The following TSC22D2 variants were observed in gnomAD, a reference collection of about 807,000 sequenced individuals.
TSC22D2 encodes TSC22 domain family protein 2.
Under a neutral mutation model 50.1 loss-of-function variants are expected in TSC22D2, and 5 were observed. That is an observed-to-expected ratio of 0.10 (90% CI 0.05 to 0.21). The LOEUF is 0.21. Ranked by LOEUF, TSC22D2 falls within the 10% of genes least tolerant of loss-of-function variation. The pLI, the probability that TSC22D2 is intolerant of heterozygous loss-of-function variation, is 1.00. For missense variants in TSC22D2, 1,003 were observed against 1,015.5 expected, an observed-to-expected ratio of 0.99 and a Z score of 0.17; for synonymous variants, 501 against 450.1, an observed-to-expected ratio of 1.11 and a Z score of -1.43.
At chr3:150,458,243 C>G in intron 2 of TSC22D2, 133 bp from the exon 3 acceptor site, 2 of 939,564 alleles carry the variant, frequency 2.1e-6, no homozygotes. Flanking sequence ...TAGGCTCGGT[C>G]AAGATAAAGC....
intron 1 of TSC22D2, among the ~76,000 whole-genome samples, chr3:150,413,561 G>GTT (rs140269585): frequency 9.1e-6 from 1 of 110,120 alleles, no homozygotes; most frequent in Non-Finnish European, 1.9e-5. Context: ...TTTGTTTTGT[G>GTT]TTTTTTTTTT....
At chr3:150,440,092 A>G (rs1720669186) in intron 1 of TSC22D2, among the ~76,000 whole-genome samples, 1 of 152,202 alleles carries the variant, frequency 6.6e-6, no homozygotes, top group Non-Finnish European at 1.5e-5. Context: ...ACAGAGAAGA[A>G]AATTGAAAGC....
In TSC22D2 at chr3:150,409,741, C is replaced by A. The variant is rs745904760; in HGVS notation, c.391C>A (p.Pro131Thr). 5 of 1,601,182 alleles carry A rather than the reference C, an allele frequency of 3.1e-6. No homozygotes were observed. Among genetic ancestry groups the A allele is most frequent in the Non-Finnish European group, 4.2e-6 (5 of 1,177,904 alleles). Residue 131 changes from proline to threonine, a missense_variant, in exon 1 of 3, where the codon CCC becomes ACC. Around this residue, in one of 6 missense-constraint regions of TSC22D2, gnomAD observed 200 missense variants for 182.8 expected, o/e 1.09. Transcript: ENST00000688009. This position sits in a 1 kb window ranked among gnomAD's most constrained non-coding sequence, Gnocchi z 7.4. Reference sequence around the variant, plus strand: ...GGCGGCTGCCACTTCGGCCCCCGCCCCCGGAGCACCCGGCGGCCCCCAGCT... The same window carrying A: ...GGCGGCTGCCACTTCGGCCCCCGCCACCGGAGCACCCGGCGGCCCCCAGCT... ...LAAAATSAPA[P>T]GAPGGPQLAG...
chr3:150,442,599 A>C (rs1323796213), intron 1 of TSC22D2, among the ~76,000 whole-genome samples: 1 of 152,202 alleles, frequency 6.6e-6, no homozygotes, highest in Non-Finnish European at 1.5e-5. Flanking sequence ...ATACTAATGC[A>C]TTATCTCACT....
chr3:150,424,947 T>C (rs1389944560), intron 1 of TSC22D2, among the ~76,000 whole-genome samples: 1 of 152,242 alleles, frequency 6.6e-6, no homozygotes, highest in African/African-American at 2.4e-5. Context: ...CAATCATGGC[T>C]AACTTTATTA....
chr3:150,444,723 A>G (rs1025415021), intron 1 of TSC22D2, among the ~76,000 whole-genome samples: 2 of 152,252 alleles, frequency 1.3e-5, no homozygotes, highest in Middle Eastern at 3.2e-3. Context: ...ATTCAAGGAC[A>G]TGAATCTAGA....
intron 1 of TSC22D2, among the ~76,000 whole-genome samples, chr3:150,412,585 G>C (rs1719632930): frequency 6.6e-6 from 1 of 152,080 alleles, no homozygotes; most frequent in African/African-American, 2.4e-5. Context: ...TCTGCTTTTT[G>C]TAATTTAAAG....
chr3:150,430,426 G>C (rs1465323570), intron 1 of TSC22D2, among the ~76,000 whole-genome samples: 1 of 152,154 alleles, frequency 6.6e-6, no homozygotes, highest in East Asian at 1.9e-4. Context: ...GGAATTACAG[G>C]ATTTTACAAC....
chr3:150,415,120 T>C (rs906451102), intron 1 of TSC22D2, among the ~76,000 whole-genome samples: 7 of 152,114 alleles, frequency 4.6e-5, no homozygotes, highest in Non-Finnish European at 7.4e-5. Context: ...TACTAAAACA[T>C]ACTTTATTCA....
rs187345562 is a variant in TSC22D2 at position 150,442,234 on chromosome 3, T to C, written c.1959-14842T>C. Among the ~76,000 whole-genome samples, 195 of 152,216 alleles carry C rather than the reference T, an allele frequency of 1.3e-3. 1 individual carries two copies. In the South Asian group the frequency reaches 0.023, roughly 18 times the overall value. ...AGAGCTATGTGCCCCCAGAACACCCTCTAAAATCTTGCTCTGTCTTAGCAC... is the reference window on the plus strand; with the variant it reads ...AGAGCTATGTGCCCCCAGAACACCCCCTAAAATCTTGCTCTGTCTTAGCAC... On this transcript the variant is annotated intron_variant, in intron 1 of 2. Transcript: ENST00000688009.
rs12629077 is a variant in TSC22D2, at chr3:150,463,004, G to C, written c.*4368G>C. On this transcript the variant is annotated 3_prime_UTR_variant, in exon 3 of 3. Transcript: ENST00000688009. ...CAACTCATACTTGAAAGTTTGACTC[G>C]GTCTTTTCCTTCCAACAGTTATAAA... 1 of 152,016 alleles carries C rather than the reference G, an allele frequency of 6.6e-6. No homozygotes were observed. The highest frequency in any genetic ancestry group is 2.4e-5 in the African/African-American group (1 of 41,348). 9.4% of individuals were successfully genotyped at this position (152,016 alleles called of 1,614,324 possible). A position where few individuals can be genotyped will look rare whatever the true frequency, so the allele number is the denominator to read the frequency against.
In TSC22D2 at chr3:150,409,185, C is replaced by T. The variant is rs1368786943; in HGVS notation, c.-166C>T. ...AGGAAACGAGGAGGAGGATGTCTCA[C>T]CGGGCGGCCAGCGCCTGGATCAGCC... On this transcript the variant is annotated 5_prime_UTR_variant, in exon 1 of 3. Transcript: ENST00000688009. This position sits in a 1 kb window ranked among gnomAD's most constrained non-coding sequence, Gnocchi z 7.4. The T allele has an allele frequency of 3.1e-6, 2 of 641,672 alleles. No homozygotes were observed. Among genetic ancestry groups the T allele is most frequent in the South Asian group, 2.6e-5 (1 of 38,874 alleles). The allele number at this position is 641,672 out of a possible 1,614,324, so 39.7% of individuals were successfully genotyped here.
At position 150,460,661 on chromosome 3, in the gene TSC22D2, T is replaced by C. The variant is rs555490048; in HGVS notation, c.*2025T>C. The stretch of plus-strand genomic sequence containing the variant: ...AGATTCCAAGTAGAGCTGCTACAGG[T>C]GAGATACTTAATGGAATGTGAAACT... On this transcript the variant is annotated 3_prime_UTR_variant, in exon 3 of 3. Coordinates refer to ENST00000688009, the MANE Select transcript of TSC22D2 (RefSeq NM_001303264.2). 4.6e-5 allele frequency: 7 copies of C among 152,068 alleles called. No homozygotes were observed. In the South Asian group the frequency reaches 1.2e-3, roughly 27 times the overall value. 9.4% of individuals were successfully genotyped at this position (152,068 alleles called of 1,614,324 possible). A position where few individuals can be genotyped will look rare whatever the true frequency, so the allele number is the denominator to read the frequency against.
At chr3:150,456,626 GA>G (rs372052854) in intron 1 of TSC22D2, among the ~76,000 whole-genome samples, 4 of 56,770 alleles carry the variant, frequency 7.0e-5, no homozygotes, top group East Asian at 4.9e-4. Flanking sequence ...GGAGGGACTA[GA>G]AAAAAAAAAG....
rs1721381802 is a variant in TSC22D2, at chr3:150,460,976, A to T, written c.*2340A>T. On this transcript the variant is annotated 3_prime_UTR_variant, in exon 3 of 3. Transcript: ENST00000688009. The stretch of plus-strand genomic sequence containing the variant: ...ATATGGGTAGTTCACAGAAGAGATA[A>T]ATGGCAGTTTCTAAAGGTTCAACCT... 6.6e-6 allele frequency: 1 copy of T among 152,218 alleles called. No individual in the cohort carries two copies. Among genetic ancestry groups the T allele is most frequent in the African/African-American group, 2.4e-5 (1 of 41,466 alleles). 9.4% of individuals were successfully genotyped at this position (152,218 alleles called of 1,614,324 possible). A position where few individuals can be genotyped will look rare whatever the true frequency, so the allele number is the denominator to read the frequency against.
rs1244557664 is a variant in TSC22D2 at position 150,459,454 on chromosome 3, C to CT, written c.*822dup. 2.6e-5 allele frequency: 4 copies of CT among 152,184 alleles called. No individual in the cohort carries two copies. The highest frequency in any genetic ancestry group is 5.9e-5 in the Non-Finnish European group (4 of 67,948). The allele number at this position is 152,184 out of a possible 1,614,324, so 9.4% of individuals were successfully genotyped here. On this transcript the variant is annotated 3_prime_UTR_variant, in exon 3 of 3. Transcript: ENST00000688009. Reference sequence around the variant, plus strand: ...AAGAGAAATTGCCACGATTCCTCTGCTTTTCAACATTTCGTATGACTTTTT... The same window carrying CT: ...AAGAGAAATTGCCACGATTCCTCTGCTTTTTCAACATTTCGTATGACTTTTT...
chr3:150,411,445 A>G (rs1418121438), intron 1 of TSC22D2, 137 bp downstream of exon 1: 2 of 913,774 alleles, frequency 2.2e-6, no homozygotes, highest in Admixed American at 2.9e-5. Context: ...GGTAAAATTG[A>G]TTTAGATTGC....
chr3:150,457,409 T>TC (rs1447323766), intron 2 of TSC22D2, among the ~76,000 whole-genome samples: 1 of 152,158 alleles, frequency 6.6e-6, no homozygotes, highest in African/African-American at 2.4e-5. Context: ...GACAATATGT[T>TC]CCCCAGATAT....
chr3:150,459,865 A>AT lies in TSC22D2; in HGVS notation c.*1232dup, dbSNP rs1406912760. On this transcript the variant is annotated 3_prime_UTR_variant, in exon 3 of 3. Transcript: ENST00000688009. ...AAAAAAAGTGAGCCATCTTTTGTTC[A>AT]TTTAAAATGGTGTTTTGAATTTCGT... 6.0e-5 allele frequency: 9 copies of AT among 150,382 alleles called. No homozygotes were observed. Among genetic ancestry groups the AT allele is most frequent in the African/African-American group, 2.0e-4 (8 of 40,984 alleles). 9.3% of individuals were successfully genotyped at this position (150,382 alleles called of 1,614,324 possible).
Sources: gnomAD v4.1 joint callset for allele counts (sites outside exome capture counted in the v4.1 genomes callset) on GRCh38, gnomAD v4.1.1 for gene constraint, gnomAD v4.1.1 regional missense constraint, Gnocchi (gnomAD v3.1) non-coding constraint, MANE v1.5 for transcripts, NCBI Gene and HGNC (gene_info 2026-07-23, HGNC 2026-07-21) for gene names.